Variants in CSMD1 observed in about 807,000 individuals in gnomAD.
CSMD1 encodes the protein CUB and sushi domain-containing protein 1.
In CSMD1, 213 loss-of-function variants were observed where a neutral mutation model predicts 417.5. That is an observed-to-expected ratio of 0.51 (90% CI 0.46 to 0.57). The LOEUF is 0.57. Ranked by LOEUF, CSMD1 falls within the 20% of genes least tolerant of loss-of-function variation. The probability of loss-of-function intolerance (pLI) is 0.00; values close to 1 mark genes in which losing one functional copy is unlikely to be tolerated. For synonymous variants in CSMD1, 2,862 were observed against 1,736.8 expected, an observed-to-expected ratio of 1.65 and a Z score of -16.11; for missense variants, 6,923 against 4,529.7, an observed-to-expected ratio of 1.53 and a Z score of -15.17.
intron 5 of CSMD1, among the ~76,000 whole-genome samples, chr8:3,977,707 T>C (rs910370306): frequency 1.3e-5 from 2 of 152,246 alleles, no homozygotes; most frequent in African/African-American, 2.4e-5. Flanking sequence ...CTTTCTGTCA[T>C]AGATGCCTGG....
intron 2 of CSMD1, among the ~76,000 whole-genome samples, chr8:4,534,234 G>A (rs577300252): frequency 6.6e-6 from 1 of 152,262 alleles, no homozygotes; most frequent in South Asian, 2.1e-4. Context: ...AATACCTTCT[G>A]CGTGGGCCTG....
intron 2 of CSMD1, among the ~76,000 whole-genome samples, chr8:4,541,499 A>G (rs755778345): frequency 3.3e-5 from 5 of 152,006 alleles, no homozygotes; most frequent in Non-Finnish European, 7.4e-5. Context: ...TGTAATCCCC[A>G]CACTTTGGGA....
chr8:4,151,033 C>T (rs534831108), intron 3 of CSMD1, among the ~76,000 whole-genome samples: 10 of 152,188 alleles, frequency 6.6e-5, no homozygotes, highest in African/African-American at 2.2e-4. Flanking sequence ...CATATGCAGA[C>T]GTAATAAAAC....
At chr8:4,218,356 T>G (rs997687879) in intron 3 of CSMD1, among the ~76,000 whole-genome samples, 3 of 152,226 alleles carry the variant, frequency 2.0e-5, no homozygotes, top group South Asian at 2.1e-4. Context: ...TTGATTTTGT[T>G]TGGTCATTTC....
At chr8:4,872,487 T>A (rs964609732) in intron 1 of CSMD1, among the ~76,000 whole-genome samples, 1 of 152,040 alleles carries the variant, frequency 6.6e-6, no homozygotes, top group African/African-American at 2.4e-5. Flanking sequence ...TCCTGCCGCC[T>A]TCTGAAGAAG....
chr8:4,437,235 A>G lies in CSMD1; in HGVS notation c.303-17170T>C, dbSNP rs191882588. On this transcript the variant is annotated intron_variant, in intron 2 of 69. Coordinates refer to ENST00000635120, the MANE Select transcript of CSMD1 (RefSeq NM_033225.6). The stretch of plus-strand genomic sequence containing the variant: ...ACTGACCAATGTATCAAATTGAAGA[A>G]CTGGTTCTGAAATTAGGCAGTAGAG... Among the ~76,000 whole-genome samples the G allele has an allele frequency of 1.8e-3, 278 of 152,354 alleles. 1 individual carries two copies. Among genetic ancestry groups the G allele is most frequent in the African/African-American group, 6.5e-3 (271 of 41,580 alleles).
chr8:3,277,190 C>T (rs17391830), intron 26 of CSMD1, among the ~76,000 whole-genome samples: 1 of 151,772 alleles, frequency 6.6e-6, no homozygotes, highest in Non-Finnish European at 1.5e-5. Context: ...TTGAAAATTG[C>T]TTAGGGGAAG....
intron 62 of CSMD1, 42 bp from the exon 63 acceptor site, chr8:2,957,849 TA>T (rs1563180046): frequency 7.4e-7 from 1 of 1,351,966 alleles, no homozygotes; most frequent in African/African-American, 1.4e-5. Context: ...GCCAAGGGAA[TA>T]TACGAAGTGT....
At chr8:3,810,251 G>C (rs1480968222) in intron 5 of CSMD1, among the ~76,000 whole-genome samples, 3 of 152,098 alleles carry the variant, frequency 2.0e-5, no homozygotes, top group Non-Finnish European at 4.4e-5. Context: ...GATTTCAAAA[G>C]GAATGCTGGT....
intron 41 of CSMD1, among the ~76,000 whole-genome samples, chr8:3,142,062 G>A (rs1818533273): frequency 6.6e-6 from 1 of 152,142 alleles, no homozygotes; most frequent in Admixed American, 6.6e-5. Flanking sequence ...CTTCCAAAGT[G>A]CTGGGATTAC....
chr8:4,740,705 G>C lies in CSMD1; in HGVS notation c.86-103147C>G, dbSNP rs116787484. 4.0e-3 allele frequency among the ~76,000 whole-genome samples: 613 copies of C among 152,254 alleles called. 1 individual carries two copies. Among genetic ancestry groups the C allele is most frequent in the African/African-American group, 0.014 (591 of 41,546 alleles). On this transcript the variant is annotated intron_variant, in intron 1 of 69. Transcript: ENST00000635120. ...TACTCAAGGAGGGTGAGGTTGAAGT[G>C]AGCCATCTCTGCACTCTAGCATGGG... is the stretch of plus-strand genomic sequence containing the variant.
chr8:3,761,974 T>C (rs979729771), intron 5 of CSMD1, among the ~76,000 whole-genome samples: 2 of 152,080 alleles, frequency 1.3e-5, no homozygotes, highest in East Asian at 1.9e-4. Context: ...GCCATAAGCA[T>C]CCCTCTTGGT....
chr8:4,942,095 A>G (rs1367244531), intron 1 of CSMD1, among the ~76,000 whole-genome samples: 1 of 152,178 alleles, frequency 6.6e-6, no homozygotes, highest in Non-Finnish European at 1.5e-5. Flanking sequence ...TTTTACAGGT[A>G]ACATTCCACA....
intron 18 of CSMD1, among the ~76,000 whole-genome samples, chr8:3,374,987 C>T (rs2116737845): frequency 6.6e-6 from 1 of 152,244 alleles, no homozygotes; most frequent in South Asian, 2.1e-4. Context: ...ATTTCACAGG[C>T]AACAGTGATC....
intron 39 of CSMD1, among the ~76,000 whole-genome samples, 176 bp downstream of exon 39, chr8:3,157,721 G>T (rs1455153635): frequency 6.6e-6 from 1 of 152,214 alleles, no homozygotes; most frequent in African/African-American, 2.4e-5. Context: ...TGCATCCAGT[G>T]GGGAAGGTGC....
At chr8:3,050,675 T>C (rs932346549) in intron 50 of CSMD1, among the ~76,000 whole-genome samples, 4 of 152,172 alleles carry the variant, frequency 2.6e-5, no homozygotes, top group African/African-American at 7.2e-5. Context: ...AATACTAATG[T>C]TGATTCAATA....
intron 3 of CSMD1, among the ~76,000 whole-genome samples, chr8:4,140,992 G>C (rs919789403): frequency 6.6e-6 from 1 of 151,146 alleles, no homozygotes; most frequent in Non-Finnish European, 1.5e-5. Context: ...AAAAGATTTA[G>C]GCAGACAGAA....
At chr8:3,826,835 G>T (rs1444098888) in intron 5 of CSMD1, among the ~76,000 whole-genome samples, 3 of 152,120 alleles carry the variant, frequency 2.0e-5, no homozygotes, top group African/African-American at 4.8e-5. Flanking sequence ...CATCTAGGCT[G>T]CAGTGTAGTG....
At chr8:3,499,354 G>A (rs1796497917) in intron 10 of CSMD1, among the ~76,000 whole-genome samples, 1 of 152,058 alleles carries the variant, frequency 6.6e-6, no homozygotes, top group African/African-American at 2.4e-5. Flanking sequence ...ACTTTGGGGT[G>A]GCCTTGTTTT....
Sources: gnomAD v4.1 joint callset for allele counts (sites outside exome capture counted in the v4.1 genomes callset) on GRCh38, gnomAD v4.1.1 for gene constraint, MANE v1.5 for transcripts, NCBI Gene and HGNC (gene_info 2026-07-23, HGNC 2026-07-21) for gene names.